The following FAM13B variants were observed in gnomAD, a reference collection of about 807,000 sequenced individuals.
The protein encoded by FAM13B is family with sequence similarity 13 member B, also known as protein FAM13B.
In FAM13B, 60 loss-of-function variants were observed where a neutral mutation model predicts 117.3. The observed-to-expected ratio is 0.51, with a 90% CI of 0.42 to 0.63. FAM13B has a LOEUF of 0.63. FAM13B is among the 30% of genes least tolerant of loss of function. The probability of loss-of-function intolerance (pLI) is 0.00; values close to 1 mark genes in which losing one functional copy is unlikely to be tolerated. For synonymous variants in FAM13B, 332 were observed against 356.1 expected, an observed-to-expected ratio of 0.93 and a Z score of 0.76; for missense variants, 972 against 1,091.9, an observed-to-expected ratio of 0.89 and a Z score of 1.55.
At chr5:137,969,884 A>T (rs1020322992) in intron 10 of FAM13B, among the ~76,000 whole-genome samples, 2 of 152,200 alleles carry the variant, frequency 1.3e-5, no homozygotes, top group Non-Finnish European at 2.9e-5. Flanking sequence ...AATGAATGAA[A>T]TGAAGCGAGA....
rs556260766 is a variant in FAM13B, at chr5:138,049,492, T to C, written c.-203+2386A>G. On this transcript the variant is annotated intron_variant, in intron 1 of 3. Transcript: ENST00000502471. ...TTCACCCTGTTGGTCAGGCTGGTCT[T>C]GAACTGCTGACCTCAGATGATCCAC... Among the ~76,000 whole-genome samples the C allele has an allele frequency of 3.4e-4, 51 of 150,144 alleles. 1 individual carries two copies. Among genetic ancestry groups the C allele is most frequent in the Middle Eastern group, 3.6e-3 (1 of 280 alleles).
chr5:138,031,949 C>CAA (rs1790173380), intron 1 of FAM13B, among the ~76,000 whole-genome samples: 3 of 152,214 alleles, frequency 2.0e-5, no homozygotes, highest in African/African-American at 7.2e-5. Context: ...GTCTGCATTA[C>CAA]TACTGGTAAT....
At chr5:137,974,572 C>T (rs1260371234) in intron 10 of FAM13B, among the ~76,000 whole-genome samples, 1 of 144,296 alleles carries the variant, frequency 6.9e-6, no homozygotes, top group East Asian at 2.0e-4. Context: ...AACTAACCTG[C>T]ACATTGTGCA....
intron 10 of FAM13B, among the ~76,000 whole-genome samples, chr5:137,978,237 A>G (rs1224910064): frequency 6.6e-6 from 1 of 150,850 alleles, no homozygotes; most frequent in Non-Finnish European, 1.5e-5. Flanking sequence ...CGATGAAGAA[A>G]CCCCCAGTAA....
intron 7 of FAM13B, among the ~76,000 whole-genome samples, chr5:137,999,104 C>CTTTT (rs397962950): frequency 2.9e-5 from 4 of 139,784 alleles, no homozygotes; most frequent in African/African-American, 2.6e-5. Context: ...CCTTCAGGGT[C>CTTTT]TTTTTTTTTT....
At chr5:137,983,486 T>C (rs1581170042) in intron 10 of FAM13B, among the ~76,000 whole-genome samples, 1 of 152,108 alleles carries the variant, frequency 6.6e-6, no homozygotes, top group East Asian at 1.9e-4. Context: ...AATCAGGGTG[T>C]ATGTGCTAGA....
intron 10 of FAM13B, among the ~76,000 whole-genome samples, chr5:137,963,931 G>A (rs6879814): frequency 0.74 from 112,266 of 152,048 alleles, 42,102 homozygotes; most frequent in East Asian, 0.97. Flanking sequence ...TGGAAAAACT[G>A]TTGTCCACAA....
At chr5:137,953,290 T>G in intron 16 of FAM13B, 46 bp downstream of exon 16, 1 of 1,603,078 alleles carries the variant, frequency 6.2e-7, no homozygotes, top group Non-Finnish European at 8.5e-7. Context: ...ATCCTCTCAG[T>G]TCTAATATTA....
chr5:137,975,088 T>G (rs547641187), intron 10 of FAM13B, among the ~76,000 whole-genome samples: 1 of 152,204 alleles, frequency 6.6e-6, no homozygotes, highest in African/African-American at 2.4e-5. Context: ...AAATATTTAC[T>G]GTGTAGACCT....
chr5:138,012,004 T>C (rs1304339752), intron 4 of FAM13B, 59 bp from the exon 5 acceptor site: 3 of 1,295,864 alleles, frequency 2.3e-6, no homozygotes, highest in South Asian at 1.4e-5. Flanking sequence ...CTCTGATATT[T>C]TGCCAGGTTC....
Position 138,025,396 on chromosome 5 carries a change from C to A in FAM13B, c.-202-4199G>T, listed in dbSNP as rs1402192787. 2.1e-5 allele frequency among the ~76,000 whole-genome samples: 3 copies of A among 139,932 alleles called. No homozygotes were observed. In the East Asian group the frequency reaches 6.3e-4, roughly 29 times the overall value. 91.8% of individuals were successfully genotyped at this position (139,932 alleles called of 152,430 possible). On this transcript the variant is annotated intron_variant, in intron 1 of 23. Coordinates refer to ENST00000689681, the MANE Select transcript of FAM13B (RefSeq NM_001385994.1). ...AGTGGCCCAATCATGCAGCCTCAAACTCCTGGGCTCAAGCAAACCTCCCAC... is the reference window on the plus strand; with the variant it reads ...AGTGGCCCAATCATGCAGCCTCAAAATCCTGGGCTCAAGCAAACCTCCCAC...
intron 15 of FAM13B, among the ~76,000 whole-genome samples, chr5:137,953,899 A>C (rs574479996): frequency 6.6e-6 from 1 of 152,338 alleles, no homozygotes; most frequent in Non-Finnish European, 1.5e-5. Context: ...CACCACGAGA[A>C]AATGTCTATT....
At chr5:137,968,538 GTAGATCACATAAAGCTGTTTA>G (rs1770853976) in intron 10 of FAM13B, among the ~76,000 whole-genome samples, 1 of 151,862 alleles carries the variant, frequency 6.6e-6, no homozygotes, top group African/African-American at 2.4e-5. Flanking sequence ...TACAGTTTAT[GTAGATCACATAAAGCTGTTTA>G]TGTGATCAGC....
chr5:137,941,247 T>C (rs945377120), intron 23 of FAM13B, among the ~76,000 whole-genome samples: 3 of 152,124 alleles, frequency 2.0e-5, no homozygotes, highest in South Asian at 2.1e-4. Context: ...CCAACCTATA[T>C]AGGAGACTCA....
rs756047934 is a variant in FAM13B, at chr5:137,940,300, C to A, written c.2739G>T (p.Glu913Asp). ...DRVPVLEEYR[E>D]YKKIKAKLRL... ...TAAGCTTGGCTTTAATTTTCTTGTA[C>A]TCTCTGTACTCCTCAAGCACTGGAA... Residue 913 changes from glutamate (E) to aspartate (D), a missense_variant, in exon 24 of 24, where the codon GAG (glutamate) becomes GAT (aspartate). Coordinates refer to ENST00000689681, the MANE Select transcript of FAM13B (RefSeq NM_001385994.1). 6 of 1,609,600 alleles carry A rather than the reference C, an allele frequency of 3.7e-6. No individual in the cohort carries two copies. The highest frequency in any genetic ancestry group is 5.1e-6 in the Non-Finnish European group (6 of 1,176,024).
chr5:137,985,015 C>T (rs569670687), intron 10 of FAM13B, among the ~76,000 whole-genome samples: 31 of 152,122 alleles, frequency 2.0e-4, no homozygotes, highest in Admixed American at 4.6e-4. Context: ...ATGATCTGCC[C>T]GCCTTGGCCT....
Position 137,941,995 on chromosome 5 carries a change from A to T in FAM13B, c.2639T>A (p.Leu880Gln). ...TTCAAATTCCCGCAACGTTTTGCGTAGTTTCTTTTTTTCAGCTCTGGCTTT... is the reference window on the plus strand; with the variant it reads ...TTCAAATTCCCGCAACGTTTTGCGTTGTTTCTTTTTTTCAGCTCTGGCTTT... ...LWKARAEKKK[L>Q]RKTLREFEEA... is the part of the protein sequence containing the mutation. The change falls in exon 23 of 24, where the codon CTA becomes CAA. Residue 880 changes from leucine (L) to glutamine (Q), a missense_variant. Leu to Gln is a moderately radical substitution (Grantham distance 113, BLOSUM62 -2). Coordinates refer to ENST00000689681, the MANE Select transcript of FAM13B (RefSeq NM_001385994.1). The T allele has an allele frequency of 6.2e-7, 1 of 1,614,084 alleles. No individual in the cohort carries two copies. Among genetic ancestry groups the T allele is most frequent in the Non-Finnish European group, 8.5e-7 (1 of 1,179,992 alleles).
chr5:138,016,154 C>T (rs1000695131), intron 4 of FAM13B, among the ~76,000 whole-genome samples: 1 of 152,148 alleles, frequency 6.6e-6, no homozygotes, highest in African/African-American at 2.4e-5. Flanking sequence ...TAAATGAAAA[C>T]CAGGCCATGG....
chr5:137,946,089 T>G, intron 19 of FAM13B, 92 bp from the exon 20 acceptor site: 1 of 1,297,260 alleles, frequency 7.7e-7, no homozygotes, highest in East Asian at 2.3e-5. Context: ...ATTTCAAATT[T>G]TATATTAAAT....
Sources: allele counts gnomAD v4.1 joint callset (sites outside exome capture counted in the v4.1 genomes callset), GRCh38; gene constraint gnomAD v4.1.1; transcripts MANE v1.5; gene names NCBI Gene and HGNC (gene_info 2026-07-23, HGNC 2026-07-21).